The following TMEM132C variants were observed in gnomAD, a reference collection of about 807,000 sequenced individuals.
The protein encoded by TMEM132C is protein phosphatase 1, regulatory subunit 152.
In TMEM132C, 29 loss-of-function variants were observed where a neutral mutation model predicts 61.4. The observed-to-expected ratio is 0.47, with a 90% CI of 0.35 to 0.64. The LOEUF (loss-of-function observed/expected upper bound fraction) is 0.64. Ranked by LOEUF, TMEM132C falls within the 30% of genes least tolerant of loss-of-function variation. TMEM132C has a pLI of 0.00. For missense variants in TMEM132C, 1,408 were observed against 1,476.9 expected, an observed-to-expected ratio of 0.95 and a Z score of 0.76; for synonymous variants, 656 against 633.1, an observed-to-expected ratio of 1.04 and a Z score of -0.54.
intron 2 of TMEM132C, among the ~76,000 whole-genome samples, chr12:128,492,165 A>G (rs910770545): frequency 5.3e-5 from 8 of 152,050 alleles, no homozygotes; most frequent in Admixed American, 5.2e-4. Context: ...CCATGTCCCT[A>G]CAAAGGACAT....
Position 128,351,135 on chromosome 12 carries a change from C to A in TMEM132C, c.86-63597C>A, listed in dbSNP as rs114133339. 1.5e-3 allele frequency among the ~76,000 whole-genome samples: 235 copies of A among 152,230 alleles called. 1 individual carries two copies. Among genetic ancestry groups the A allele is most frequent in the African/African-American group, 5.3e-3 (221 of 41,536 alleles). On this transcript the variant is annotated intron_variant, in intron 1 of 8. Coordinates refer to ENST00000435159, the MANE Select transcript of TMEM132C (RefSeq NM_001136103.3). ...CTGTAACTCACCACTGACCCTAAGC[C>A]GTTTTCATACCCCATAGTAAGGACT...
intron 1 of TMEM132C, among the ~76,000 whole-genome samples, chr12:128,403,470 T>TA (rs1026922371): frequency 2.0e-5 from 3 of 152,086 alleles, no homozygotes; most frequent in Non-Finnish European, 4.4e-5. Context: ...CCAATTTTTT[T>TA]TTCGCATGTG....
At chr12:128,523,167 A>G (rs1189009634) in intron 2 of TMEM132C, among the ~76,000 whole-genome samples, 1 of 152,224 alleles carries the variant, frequency 6.6e-6, no homozygotes, top group Non-Finnish European at 1.5e-5. Flanking sequence ...TCACACAAGA[A>G]CAAATACTGT....
At chr12:128,447,443 G>C (rs550323828) in intron 2 of TMEM132C, among the ~76,000 whole-genome samples, 17 of 152,280 alleles carry the variant, frequency 1.1e-4, no homozygotes, top group Admixed American at 9.8e-4. Flanking sequence ...GAAAGAAAAG[G>C]CTATACCTGT....
chr12:128,408,569 A>G (rs2136016092), intron 1 of TMEM132C, among the ~76,000 whole-genome samples: 1 of 152,344 alleles, frequency 6.6e-6, no homozygotes, highest in Admixed American at 6.5e-5. Context: ...TGGTTTTTAC[A>G]AAATATTACA....
chr12:128,267,312 G>A lies in TMEM132C; in HGVS notation c.-91G>A. The A allele has an allele frequency of 2.4e-6, 2 of 834,084 alleles. No individual in the cohort carries two copies. The highest frequency in any genetic ancestry group is 2.9e-6 in the Non-Finnish European group (2 of 693,234). The allele number at this position is 834,084 out of a possible 1,614,324, so 51.7% of individuals were successfully genotyped here. ...GGGCCCGGCCGACCGGGCTGCGGGA[G>A]TGGCCCCGGGCATGGGGCGGCCGGC... On this transcript the variant is annotated 5_prime_UTR_variant, in exon 1 of 9. It adds an upstream start codon to the 5' untranslated region. Coordinates refer to ENST00000435159, the MANE Select transcript of TMEM132C (RefSeq NM_001136103.3).
chr12:128,688,899 T>C (rs1274127880), intron 5 of TMEM132C, among the ~76,000 whole-genome samples: 1 of 152,226 alleles, frequency 6.6e-6, no homozygotes, highest in African/African-American at 2.4e-5. Context: ...GTTCAAGCGA[T>C]TCTCCTGCCT....
chr12:128,376,938 C>T (rs945116368), intron 1 of TMEM132C, among the ~76,000 whole-genome samples: 3 of 152,226 alleles, frequency 2.0e-5, no homozygotes, highest in Non-Finnish European at 2.9e-5. Flanking sequence ...TGCTGACATC[C>T]AGCTCTGGAA....
At chr12:128,275,037 G>A (rs116041142) in intron 1 of TMEM132C, among the ~76,000 whole-genome samples, 2,110 of 152,304 alleles carry the variant, frequency 0.014, 50 homozygotes, top group African/African-American at 0.048. Flanking sequence ...CTAAAAGAAG[G>A]TGTGATGGAT....
intron 1 of TMEM132C, among the ~76,000 whole-genome samples, chr12:128,360,502 C>G (rs562878452): frequency 6.6e-6 from 1 of 152,128 alleles, no homozygotes; most frequent in African/African-American, 2.4e-5. Context: ...CATAAATGTC[C>G]CCTCGTGCCT....
chr12:128,500,288 G>C (rs1872123111), intron 2 of TMEM132C, among the ~76,000 whole-genome samples: 1 of 152,144 alleles, frequency 6.6e-6, no homozygotes, highest in African/African-American at 2.4e-5. Context: ...CCTTGGATTA[G>C]ACAATGGTTT....
intron 2 of TMEM132C, among the ~76,000 whole-genome samples, chr12:128,505,736 C>A (rs1411606773): frequency 6.6e-6 from 1 of 152,216 alleles, no homozygotes; most frequent in Non-Finnish European, 1.5e-5. Context: ...AATGTGAGGG[C>A]TACTCAATGT....
intron 1 of TMEM132C, among the ~76,000 whole-genome samples, chr12:128,268,276 C>T (rs939284367): frequency 2.0e-5 from 3 of 152,206 alleles, no homozygotes; most frequent in Admixed American, 6.5e-5. Flanking sequence ...ACGTATGGCG[C>T]CCGCAGGGCT....
intron 5 of TMEM132C, among the ~76,000 whole-genome samples, chr12:128,683,632 A>G (rs927722678): frequency 6.6e-6 from 1 of 152,228 alleles, no homozygotes; most frequent in East Asian, 1.9e-4. Context: ...ATCCACACAT[A>G]TAAACTCTGA....
At chr12:128,469,722 GTATA>G (rs201870300) in intron 2 of TMEM132C, among the ~76,000 whole-genome samples, 2 of 150,922 alleles carry the variant, frequency 1.3e-5, no homozygotes, top group South Asian at 2.1e-4. Context: ...ATGTGTGTGT[GTATA>G]TATATATGCA....
At chr12:128,301,785 A>G (rs957777488) in intron 1 of TMEM132C, among the ~76,000 whole-genome samples, 16 of 152,324 alleles carry the variant, frequency 1.1e-4, no homozygotes, top group Admixed American at 3.9e-4. Flanking sequence ...CGCTGCTGAT[A>G]AAGACATAGC....
chr12:128,390,251 G>C (rs56106332), intron 1 of TMEM132C, among the ~76,000 whole-genome samples: 24,050 of 152,158 alleles, frequency 0.16, 2,075 homozygotes, highest in East Asian at 0.22. Context: ...TTACCTTATA[G>C]TTCTGGAGGC....
chr12:128,402,563 G>A (rs1053478553), intron 1 of TMEM132C, among the ~76,000 whole-genome samples: 11 of 152,280 alleles, frequency 7.2e-5, no homozygotes, highest in South Asian at 2.1e-4. Context: ...CTGACACACC[G>A]TCCCTTAGAG....
chr12:128,434,695 G>C (rs576462563), intron 2 of TMEM132C, among the ~76,000 whole-genome samples: 1 of 151,906 alleles, frequency 6.6e-6, no homozygotes, highest in African/African-American at 2.4e-5. Context: ...CTCTGCCTCC[G>C]GGGTTCAAGC....
Sources: allele counts gnomAD v4.1 joint callset (sites outside exome capture counted in the v4.1 genomes callset), GRCh38; gene constraint gnomAD v4.1.1; transcripts MANE v1.5; gene names NCBI Gene and HGNC (gene_info 2026-07-23, HGNC 2026-07-21).